The following GRID2 variants were observed in gnomAD, a reference collection of about 807,000 sequenced individuals.
GRID2 encodes the protein glutamate ionotropic receptor delta type subunit 2.
Under a neutral mutation model 114.8 loss-of-function variants are expected in GRID2, and 33 were observed. The ratio of observed to expected loss-of-function variants is 0.29; its 90% CI spans 0.22 to 0.38. GRID2 has a LOEUF of 0.38. GRID2 is among the 10% of genes least tolerant of loss of function. GRID2 has a pLI of 1.00. For synonymous variants in GRID2, 505 were observed against 449.9 expected (o/e 1.12, Z -1.55); for missense variants, 1,184 against 1,257.7 (o/e 0.94, Z 0.89).
At chr4:92,374,394 C>T (rs540903899) in intron 1 of GRID2, among the ~76,000 whole-genome samples, 6 of 152,098 alleles carry the variant, frequency 3.9e-5, no homozygotes, top group African/African-American at 1.4e-4. Flanking sequence ...GAAGCCCCCA[C>T]TTTGAGTTGT....
intron 2 of GRID2, among the ~76,000 whole-genome samples, chr4:92,887,584 G>C (rs963582313): frequency 2.6e-5 from 4 of 152,188 alleles, no homozygotes; most frequent in Admixed American, 1.3e-4. Context: ...GCCTCTAATT[G>C]CATGATGGTT....
At chr4:93,540,978 C>T (rs925676847) in intron 13 of GRID2, among the ~76,000 whole-genome samples, 5 of 152,006 alleles carry the variant, frequency 3.3e-5, no homozygotes, top group African/African-American at 1.2e-4. Context: ...TTGGAATTTA[C>T]AATTATATTG....
At chr4:93,174,575 A>T (rs1230474646) in intron 4 of GRID2, among the ~76,000 whole-genome samples, 1 of 152,122 alleles carries the variant, frequency 6.6e-6, no homozygotes, top group Non-Finnish European at 1.5e-5. Context: ...GGGTTAAAGG[A>T]GGTCATGAGT....
intron 7 of GRID2, among the ~76,000 whole-genome samples, chr4:93,237,873 C>CA (rs1425201830): frequency 3.3e-5 from 5 of 151,476 alleles, no homozygotes; most frequent in Admixed American, 6.6e-5. Flanking sequence ...AAAGAAGGGG[C>CA]AAAAAAATCA....
rs75741468 is a variant in GRID2 at position 93,376,484 on chromosome 4, A to G, written c.1246-19123A>G. Among the ~76,000 whole-genome samples, 1,201 of 152,282 alleles carry G rather than the reference A, an allele frequency of 7.9e-3. 15 individuals are homozygous for G. The highest frequency in any genetic ancestry group is 0.028 in the African/African-American group (1,149 of 41,548). ...CATTTTGTGACATATAATTGAAGGA[A>G]CAAATGAAGATAGATGAATGGAGAA... On this transcript the variant is annotated intron_variant, in intron 8 of 15. Coordinates refer to ENST00000282020, the MANE Select transcript of GRID2 (RefSeq NM_001510.4).
intron 2 of GRID2, among the ~76,000 whole-genome samples, chr4:92,951,016 T>C (rs905722546): frequency 6.6e-6 from 1 of 152,208 alleles, no homozygotes; most frequent in Non-Finnish European, 1.5e-5. Flanking sequence ...AAATATTGCT[T>C]TGTTCTTCTA....
intron 13 of GRID2, among the ~76,000 whole-genome samples, chr4:93,595,733 C>T (rs542040170): frequency 2.2e-4 from 33 of 152,104 alleles, no homozygotes; most frequent in African/African-American, 3.1e-4. Flanking sequence ...ATAATATTAC[C>T]GTGAAAATAT....
At chr4:92,446,750 T>C (rs1416132033) in intron 1 of GRID2, among the ~76,000 whole-genome samples, 1 of 152,226 alleles carries the variant, frequency 6.6e-6, no homozygotes, top group Non-Finnish European at 1.5e-5. Flanking sequence ...CTACAGCCTG[T>C]TCTATTGCAA....
chr4:93,675,817 A>G (rs1457321267), intron 14 of GRID2, among the ~76,000 whole-genome samples: 1 of 152,202 alleles, frequency 6.6e-6, no homozygotes, highest in Non-Finnish European at 1.5e-5. Context: ...TATTTTTTCA[A>G]GGTTAAATTG....
intron 2 of GRID2, among the ~76,000 whole-genome samples, chr4:92,792,718 A>C (rs994782490): frequency 1.3e-5 from 2 of 151,852 alleles, no homozygotes; most frequent in Non-Finnish European, 2.9e-5. Context: ...AATTTTCCAC[A>C]TATTTGCTAT....
At chr4:92,645,647 C>A (rs1175493202) in intron 2 of GRID2, among the ~76,000 whole-genome samples, 1 of 151,632 alleles carries the variant, frequency 6.6e-6, no homozygotes, top group Non-Finnish European at 1.5e-5. Flanking sequence ...TCCAGACAAG[C>A]CCCCATCTCC....
chr4:92,452,349 A>T (rs182759147), intron 1 of GRID2, among the ~76,000 whole-genome samples: 16 of 147,738 alleles, frequency 1.1e-4, no homozygotes, highest in African/African-American at 3.0e-4. Flanking sequence ...ACAGAGTCTC[A>T]CTTGGTCACA....
chr4:92,957,597 T>A (rs1752504402), intron 2 of GRID2, among the ~76,000 whole-genome samples: 2 of 152,084 alleles, frequency 1.3e-5, no homozygotes, highest in South Asian at 4.1e-4. Flanking sequence ...GTCTTCCATT[T>A]TTTTTTTCTT....
intron 1 of GRID2, among the ~76,000 whole-genome samples, chr4:92,463,265 T>G (rs1721585842): frequency 6.6e-6 from 1 of 151,946 alleles, no homozygotes; most frequent in South Asian, 2.1e-4. Flanking sequence ...AGGATTTTGC[T>G]CTTATCTATT....
chr4:92,428,264 G>A (rs1441002561), intron 1 of GRID2, among the ~76,000 whole-genome samples: 1 of 150,954 alleles, frequency 6.6e-6, no homozygotes, highest in Non-Finnish European at 1.5e-5. Flanking sequence ...TCCTCACAAA[G>A]TAATAATAAT....
intron 14 of GRID2, among the ~76,000 whole-genome samples, chr4:93,739,358 G>T (rs1286267595): frequency 6.6e-6 from 1 of 152,024 alleles, no homozygotes; most frequent in Non-Finnish European, 1.5e-5. Context: ...GGTACAAGAA[G>T]CCATTTCCAT....
intron 8 of GRID2, among the ~76,000 whole-genome samples, chr4:93,279,909 G>T (rs1052278306): frequency 2.6e-5 from 4 of 151,948 alleles, no homozygotes; most frequent in Admixed American, 6.6e-5. Context: ...GAAGGGCATT[G>T]TATGCGAAAC....
intron 4 of GRID2, among the ~76,000 whole-genome samples, chr4:93,120,370 A>G (rs778005468): frequency 6.6e-6 from 1 of 152,202 alleles, no homozygotes; most frequent in Admixed American, 6.5e-5. Context: ...GATAGACTGG[A>G]TAAAGAAAGT....
Position 92,580,672 on chromosome 4 carries a change from T to C in GRID2, c.89-9459T>C, listed in dbSNP as rs1281685222. 4.6e-5 allele frequency among the ~76,000 whole-genome samples: 7 copies of C among 152,086 alleles called. No individual in the cohort carries two copies. The East Asian group carries it at 9.7e-4, about 21-fold the overall frequency. ...TTCTAAGAGGATCACATTCACATTA[T>C]GGTTTCATACAGATATTTCTTTGGC... is the stretch of plus-strand genomic sequence containing the variant. On this transcript the variant is annotated intron_variant, in intron 1 of 15. Transcript: ENST00000282020.
Sources: allele counts gnomAD v4.1 joint callset (sites outside exome capture counted in the v4.1 genomes callset), GRCh38; gene constraint gnomAD v4.1.1; transcripts MANE v1.5; gene names NCBI Gene and HGNC (gene_info 2026-07-23, HGNC 2026-07-21).